SND1: variants seen among roughly 807,000 people sequenced by gnomAD.
The protein encoded by SND1 is staphylococcal nuclease and tudor domain containing 1, also known as staphylococcal nuclease domain-containing protein 1.
SND1 carries 38 observed loss-of-function variants against 121.7 expected under a neutral mutation model. The ratio of observed to expected loss-of-function variants is 0.31; its 90% CI spans 0.24 to 0.41. The LOEUF (loss-of-function observed/expected upper bound fraction) is 0.41. Ranked by LOEUF, SND1 falls within the 10% of genes least tolerant of loss-of-function variation. The pLI is 1.00. For missense variants in SND1, 868 were observed against 1,184.6 expected (o/e 0.73, Z 3.92); for synonymous variants, 401 against 447.4 (o/e 0.90, Z 1.31).
chr7:127,897,959 T>C (rs1165383674), intron 13 of SND1, among the ~76,000 whole-genome samples: 1 of 152,134 alleles, frequency 6.6e-6, no homozygotes. Flanking sequence ...GTAATCTACC[T>C]TCCTGAGGCC....
At chr7:128,016,583 A>G (rs1296281146) in intron 16 of SND1, among the ~76,000 whole-genome samples, 1 of 152,182 alleles carries the variant, frequency 6.6e-6, no homozygotes, top group Non-Finnish European at 1.5e-5. Flanking sequence ...ACCTCAGCCT[A>G]TGGCTGGTGT....
chr7:127,977,878 C>T (rs1285596102), intron 15 of SND1, among the ~76,000 whole-genome samples: 1 of 151,994 alleles, frequency 6.6e-6, no homozygotes, highest in Non-Finnish European at 1.5e-5. Context: ...AGGTTTTCAG[C>T]CCAAGAGGAT....
chr7:127,955,137 T>C (rs181099029), intron 15 of SND1, among the ~76,000 whole-genome samples: 1 of 152,296 alleles, frequency 6.6e-6, no homozygotes, highest in Non-Finnish European at 1.5e-5. Flanking sequence ...TCTGTGTGGG[T>C]GACGTCCACA....
At chr7:127,905,874 G>A (rs570602310) in intron 14 of SND1, among the ~76,000 whole-genome samples, 13 of 152,262 alleles carry the variant, frequency 8.5e-5, no homozygotes, top group Non-Finnish European at 1.5e-5. Flanking sequence ...GCCCTGAGAA[G>A]AAAATACTAG....
intron 11 of SND1, among the ~76,000 whole-genome samples, chr7:127,820,363 C>G (rs1798525289): frequency 6.6e-6 from 1 of 152,158 alleles, no homozygotes; most frequent in African/African-American, 2.4e-5. Context: ...CCTAGTTTCT[C>G]CTATTGCTAG....
At chr7:127,982,131 C>T (rs1206152606) in intron 15 of SND1, among the ~76,000 whole-genome samples, 2 of 152,186 alleles carry the variant, frequency 1.3e-5, no homozygotes, top group Non-Finnish European at 2.9e-5. Context: ...GTATCAGAAA[C>T]TTAAGGCATG....
chr7:127,761,971 T>C (rs534469381), intron 10 of SND1, among the ~76,000 whole-genome samples: 7 of 152,356 alleles, frequency 4.6e-5, no homozygotes, highest in Admixed American at 1.3e-4. Flanking sequence ...GTCCTTCATA[T>C]TGATGCTTGG....
chr7:127,792,653 G>C (rs1222493442), intron 10 of SND1, among the ~76,000 whole-genome samples: 1 of 152,190 alleles, frequency 6.6e-6, no homozygotes, highest in Non-Finnish European at 1.5e-5. Flanking sequence ...ATAGACTGCT[G>C]TTAACTGATG....
At chr7:127,749,478 T>C (rs1466382529) in intron 10 of SND1, among the ~76,000 whole-genome samples, 1 of 152,126 alleles carries the variant, frequency 6.6e-6, no homozygotes, top group East Asian at 1.9e-4. Flanking sequence ...TAGGAATATT[T>C]ATCTGTGGTG....
chr7:128,002,549 C>G (rs1178485953), intron 16 of SND1, among the ~76,000 whole-genome samples: 1 of 152,142 alleles, frequency 6.6e-6, no homozygotes, highest in East Asian at 1.9e-4. Context: ...GGGGTGACAC[C>G]AGGACTCCAC....
chr7:127,752,872 G>C, intron 10 of SND1, among the ~76,000 whole-genome samples: 1 of 152,188 alleles, frequency 6.6e-6, no homozygotes, highest in East Asian at 1.9e-4. Context: ...GCACAGAAAG[G>C]CCAGGTTATG....
At chr7:127,654,698 A>G (rs1046156492) in intron 1 of SND1, among the ~76,000 whole-genome samples, 3 of 152,306 alleles carry the variant, frequency 2.0e-5, no homozygotes, top group South Asian at 4.1e-4. Context: ...GGCATATACA[A>G]TTCAGTGATT....
intron 10 of SND1, among the ~76,000 whole-genome samples, chr7:127,775,200 A>G (rs1797593959): frequency 6.6e-6 from 1 of 152,190 alleles, no homozygotes; most frequent in South Asian, 2.1e-4. Flanking sequence ...ATTCCTTAGA[A>G]CCTTTAAAGG....
chr7:128,021,377 C>T (rs1302601919), intron 16 of SND1, among the ~76,000 whole-genome samples: 1 of 152,228 alleles, frequency 6.6e-6, no homozygotes, highest in Non-Finnish European at 1.5e-5. Context: ...GGAACTGGCA[C>T]TTGGCTCCTG....
chr7:127,754,738 A>T (rs1797163836), intron 10 of SND1, among the ~76,000 whole-genome samples: 2 of 152,182 alleles, frequency 1.3e-5, no homozygotes, highest in Admixed American at 1.3e-4. Flanking sequence ...GACAGACAAA[A>T]TTTTGAAATA....
At position 127,694,859 on chromosome 7, in the gene SND1, G is replaced by A; in HGVS notation, c.260G>A (p.Arg87Gln). ...GCATTTCCAGCTCGAGAGTTCCTTCGAAAGAAGCTGATTGGGAAGGAAGTC... is the reference window on the plus strand; with the variant it reads ...GCATTTCCAGCTCGAGAGTTCCTTCAAAAGAAGCTGATTGGGAAGGAAGTC... ...PWAFPAREFLRKKLIGKEVCF... is the reference protein window; with the variant it reads ...PWAFPAREFLQKKLIGKEVCF... The change falls in exon 3 of 24, where the codon CGA becomes CAA. Residue 87 changes from arginine to glutamine, a missense_variant. Around this residue, in one of 2 missense-constraint regions of SND1, gnomAD observed 743 missense variants for 1,071.3 expected, o/e 0.69. Coordinates refer to ENST00000354725, the MANE Select transcript of SND1 (RefSeq NM_014390.4). 1.9e-6 allele frequency: 3 copies of A among 1,613,922 alleles called. No homozygotes were observed. Among genetic ancestry groups the A allele is most frequent in the Non-Finnish European group, 1.7e-6 (2 of 1,179,866 alleles).
At chr7:127,749,025 A>G (rs1797031307) in intron 10 of SND1, among the ~76,000 whole-genome samples, 1 of 150,640 alleles carries the variant, frequency 6.6e-6, no homozygotes, top group Admixed American at 6.7e-5. Flanking sequence ...TGGATATGTT[A>G]ATGTATTTTT....
At chr7:127,790,963 T>C (rs542047931) in intron 10 of SND1, among the ~76,000 whole-genome samples, 102 of 152,278 alleles carry the variant, frequency 6.7e-4, no homozygotes, top group Non-Finnish European at 1.1e-3. Context: ...GGAGCAGAAC[T>C]GGGCTAGCAT....
rs569855865 is a variant in SND1 at position 127,702,961 on chromosome 7, A to G, written c.682-204A>G. Among the ~76,000 whole-genome samples, 43 of 152,202 alleles carry G rather than the reference A, an allele frequency of 2.8e-4. No homozygotes were observed. The South Asian group carries it at 8.9e-3, about 32-fold the overall frequency. ...TTGTCCTCACGATAATGTGAGTTTT[A>G]TTGTCTACCTTTGCCAAGAAGTCTG... On this transcript the variant is annotated intron_variant, in intron 6 of 23. Coordinates refer to ENST00000354725, the MANE Select transcript of SND1 (RefSeq NM_014390.4).
Sources: gnomAD v4.1 joint callset for allele counts (sites outside exome capture counted in the v4.1 genomes callset) on GRCh38, gnomAD v4.1.1 for gene constraint, gnomAD v4.1.1 regional missense constraint, MANE v1.5 for transcripts, NCBI Gene and HGNC (gene_info 2026-07-23, HGNC 2026-07-21) for gene names.